The following EVC variants were observed in gnomAD, a reference collection of about 807,000 sequenced individuals.
EVC encodes evC complex member EVC.
A neutral mutation model predicts 118.9 loss-of-function variants in EVC; 116 were observed. The ratio of observed to expected loss-of-function variants is 0.98; its 90% CI spans 0.84 to 1.14. The LOEUF (loss-of-function observed/expected upper bound fraction) is 1.14, where lower values mean the gene tolerates loss of function less well. Ranked by LOEUF, EVC falls within the 50% of genes most tolerant of loss-of-function variation. The probability of loss-of-function intolerance (pLI) is 0.00; values close to 1 mark genes in which losing one functional copy is unlikely to be tolerated. For synonymous variants in EVC, 619 were observed against 534.7 expected, an observed-to-expected ratio of 1.16 and a Z score of -2.18; for missense variants, 1,401 against 1,246.4, an observed-to-expected ratio of 1.12 and a Z score of -1.87.
chr4:5,711,399 G>T lies in EVC; in HGVS notation c.19G>T (p.Ala7Ser), dbSNP rs1319153350. Residue 7 changes from alanine to serine, a missense_variant, in exon 1 of 21, where the codon GCC (alanine) becomes TCC (serine). Physicochemically the swap from Ala to Ser is moderately conservative, Grantham distance 99 (BLOSUM62 1). Coordinates refer to ENST00000264956, the MANE Select transcript of EVC (RefSeq NM_153717.3). MARGGA[A>S]CKSDARLLLG... ...GCCCCGGATGGCCCGCGGCGGGGCGGCCTGCAAGAGCGACGCGCGGCTGCT... is the reference window on the plus strand; with the variant it reads ...GCCCCGGATGGCCCGCGGCGGGGCGTCCTGCAAGAGCGACGCGCGGCTGCT... 5.9e-6 allele frequency: 6 copies of T among 1,016,040 alleles called. No individual in the cohort carries two copies. The highest frequency in any genetic ancestry group is 5.9e-6 in the Non-Finnish European group (5 of 852,860). The allele number at this position is 1,016,040 out of a possible 1,614,324, so 62.9% of individuals were successfully genotyped here.
At chr4:5,782,495 G>A (rs145861804) in intron 11 of EVC, among the ~76,000 whole-genome samples, 4,171 of 102,008 alleles carry the variant, frequency 0.041, 263 homozygotes, top group African/African-American at 0.15. Context: ...CCAGGTTCAC[G>A]CCATTCTCCT....
downstream of EVC, among the ~76,000 whole-genome samples, chr4:5,817,225 G>A (rs1312577698): frequency 6.6e-6 from 1 of 152,236 alleles, no homozygotes; most frequent in Non-Finnish European, 1.5e-5. Flanking sequence ...GGCCTGGATG[G>A]GGGAGGGCAG....
chr4:5,803,282 CT>C, intron 16 of EVC, among the ~76,000 whole-genome samples: 1 of 152,362 alleles, frequency 6.6e-6, no homozygotes, highest in Non-Finnish European at 1.5e-5. Flanking sequence ...CCAGGAGAGT[CT>C]TCCCTGAGTG....
intron 11 of EVC, among the ~76,000 whole-genome samples, chr4:5,767,163 T>G (rs2152168450): frequency 6.6e-6 from 1 of 152,114 alleles, no homozygotes; most frequent in South Asian, 2.1e-4. Flanking sequence ...CCCTGCTGTG[T>G]GAGGTGTCAG....
Position 5,813,375 on chromosome 4 carries a change from T to C in EVC, c.*2338T>C, listed in dbSNP as rs1717209980. 6.6e-6 allele frequency: 1 copy of C among 152,096 alleles called. No homozygotes were observed. Among genetic ancestry groups the C allele is most frequent in the South Asian group, 2.1e-4 (1 of 4,820 alleles). 9.4% of individuals were successfully genotyped at this position (152,096 alleles called of 1,614,324 possible). ...TGCCACCACGCCTGGCTAAATCTTTTTTGTATTTTATTTTAGTAGAGACGG... is the reference window on the plus strand; with the variant it reads ...TGCCACCACGCCTGGCTAAATCTTTCTTGTATTTTATTTTAGTAGAGACGG... On this transcript the variant is annotated 3_prime_UTR_variant, in exon 21 of 21. Coordinates refer to ENST00000264956, the MANE Select transcript of EVC (RefSeq NM_153717.3).
Position 5,748,184 on chromosome 4 carries a change from C to A in EVC, c.976C>A (p.His326Asn). 1 of 1,614,248 alleles carries A rather than the reference C, an allele frequency of 6.2e-7. No individual in the cohort carries two copies. The highest frequency in any genetic ancestry group is 8.5e-7 in the Non-Finnish European group (1 of 1,180,052). The part of the protein sequence containing the change: ...AFWKQMANIQ[H>N]FLVDQFKCSS... ...CTGGAAACAGATGGCAAATATCCAG[C>A]ACTTTCTTGTGGACCAGTTTAAGTG... The change falls in exon 8 of 21, where the codon CAC becomes AAC. Residue 326 changes from histidine to asparagine, a missense_variant. By Grantham distance (68) the His-to-Asn change is moderately conservative. Coordinates refer to ENST00000264956, the MANE Select transcript of EVC (RefSeq NM_153717.3).
intron 3 of EVC, among the ~76,000 whole-genome samples, chr4:5,730,398 T>C (rs1726595853): frequency 6.6e-6 from 1 of 150,944 alleles, no homozygotes; most frequent in Non-Finnish European, 1.5e-5. Flanking sequence ...ATGGAAACTT[T>C]GTGGTGAGCA....
chr4:5,772,308 T>A (rs1225656600), intron 11 of EVC, among the ~76,000 whole-genome samples: 1 of 152,050 alleles, frequency 6.6e-6, no homozygotes, highest in Non-Finnish European at 1.5e-5. Context: ...TTTTGGTAAT[T>A]TTCACAACCA....
rs1454273945 is a variant in EVC at position 5,746,189 on chromosome 4, C to T, written c.939+848C>T. 2.6e-5 allele frequency among the ~76,000 whole-genome samples: 4 copies of T among 152,258 alleles called. No homozygotes were observed. The highest frequency in any genetic ancestry group is 2.1e-4 in the South Asian group (1 of 4,822). On this transcript the variant is annotated intron_variant, in intron 7 of 20. Transcript: ENST00000264956. The surrounding 1 kb of genome is among the most constrained non-coding windows in gnomAD (Gnocchi z 5.8). Reference sequence around the variant, plus strand: ...GCGAGATGGGAGTGTCTATTGCCAGCGAGGTGGGAGTCACTGAAGCTTTGA... The same window carrying T: ...GCGAGATGGGAGTGTCTATTGCCAGTGAGGTGGGAGTCACTGAAGCTTTGA...
chr4:5,718,469 T>C lies in EVC; in HGVS notation c.175-779T>C, dbSNP rs80207609. Reference sequence around the variant, plus strand: ...ACTAGACAGCACTTCTGCACTGTGTTTGGTGGTTATTTTAAACAGTAAAGT... The same window carrying C: ...ACTAGACAGCACTTCTGCACTGTGTCTGGTGGTTATTTTAAACAGTAAAGT... On this transcript the variant is annotated intron_variant, in intron 1 of 20. Transcript: ENST00000264956. Among the ~76,000 whole-genome samples, 952 of 152,074 alleles carry C rather than the reference T, an allele frequency of 6.3e-3. 9 individuals are homozygous for C. Among genetic ancestry groups the C allele is most frequent in the African/African-American group, 0.022 (901 of 41,500 alleles).
At chr4:5,753,353 G>C (rs1278726268) in intron 9 of EVC, among the ~76,000 whole-genome samples, 1 of 152,352 alleles carries the variant, frequency 6.6e-6, no homozygotes, top group South Asian at 2.1e-4. Context: ...AGGAACTGCA[G>C]AGGGACAGAG....
intron 11 of EVC, among the ~76,000 whole-genome samples, chr4:5,781,237 G>C (rs1376855371): frequency 6.6e-6 from 1 of 152,258 alleles, no homozygotes; most frequent in East Asian, 1.9e-4. Context: ...GTTGTGTTGG[G>C]GCATGGCTTA....
rs1207964799 is a variant in EVC, at chr4:5,741,810, AAAAAGT to A, written c.800_801+4del. The A allele has an allele frequency of 1.4e-6, 2 of 1,442,002 alleles. No individual in the cohort carries two copies. The highest frequency in any genetic ancestry group is 9.8e-7 in the Non-Finnish European group (1 of 1,025,314). 89.3% of individuals were successfully genotyped at this position (1,442,002 alleles called of 1,614,324 possible). A position where few individuals can be genotyped will look rare whatever the true frequency, so the allele number is the denominator to read the frequency against. On this transcript the variant is annotated splice_donor_variant and coding_sequence_variant, in exon 6 of 21. Coordinates refer to ENST00000264956, the MANE Select transcript of EVC (RefSeq NM_153717.3). LOFTEE classifies it high-confidence loss of function. ...TACCAGAAGATCCTTTCAAAACAAG[AAAAAGT>A]AAGTCTTCAACCTATGTTTCAAGGT... is the stretch of plus-strand genomic sequence containing the variant.
At chr4:5,741,912 AGCT>A in intron 6 of EVC, 98 bp downstream of exon 6, 1 of 621,742 alleles carries the variant, frequency 1.6e-6, no homozygotes, top group East Asian at 2.9e-5. Context: ...TGTATAAAAT[AGCT>A]TATTACAATA....
intron 11 of EVC, among the ~76,000 whole-genome samples, chr4:5,767,518 T>G (rs1002265059): frequency 2.6e-5 from 4 of 151,230 alleles, no homozygotes; most frequent in African/African-American, 9.7e-5. Flanking sequence ...ACCTTGCAGT[T>G]TGATCTCAGA....
rs1018092522 is a variant in EVC at position 5,746,041 on chromosome 4, G to A, written c.939+700G>A. On this transcript the variant is annotated intron_variant, in intron 7 of 20. Coordinates refer to ENST00000264956, the MANE Select transcript of EVC (RefSeq NM_153717.3). This position sits in a 1 kb window ranked among gnomAD's most constrained non-coding sequence, Gnocchi z 5.8. ...AGAAGGGACCATGGAGAGGCTGGCC[G>A]GGAGAAGTGTGGGTGCTGGCCAGTG... Among the ~76,000 whole-genome samples the A allele has an allele frequency of 7.9e-5, 12 of 152,194 alleles. No homozygotes were observed. The highest frequency in any genetic ancestry group is 1.3e-4 in the Admixed American group (2 of 15,286).
At chr4:5,781,763 C>A (rs1735633947) in intron 11 of EVC, among the ~76,000 whole-genome samples, 1 of 152,090 alleles carries the variant, frequency 6.6e-6, no homozygotes, top group Non-Finnish European at 1.5e-5. Context: ...TCACCTGAGT[C>A]CAGGAAGTCG....
intron 11 of EVC, among the ~76,000 whole-genome samples, chr4:5,758,964 A>C (rs778677665): frequency 2.0e-5 from 3 of 152,192 alleles, no homozygotes; most frequent in Non-Finnish European, 2.9e-5. Flanking sequence ...GATTCAGAGC[A>C]GATGAGACAG....
At chr4:5,793,538 C>A in intron 12 of EVC, 70 bp from the exon 13 acceptor site, 1 of 1,317,840 alleles carries the variant, frequency 7.6e-7, no homozygotes, top group Non-Finnish European at 1.1e-6. Flanking sequence ...ACAAAATGCA[C>A]AATCCTAGCA....
Sources: gnomAD v4.1 joint callset for allele counts (sites outside exome capture counted in the v4.1 genomes callset) on GRCh38, gnomAD v4.1.1 for gene constraint, Gnocchi (gnomAD v3.1) non-coding constraint, MANE v1.5 for transcripts, NCBI Gene and HGNC (gene_info 2026-07-23, HGNC 2026-07-21) for gene names.